Variants in GPRC5A observed in about 807,000 individuals in gnomAD.
GPRC5A encodes retinoic acid-induced protein 3.
In GPRC5A, 19 loss-of-function variants were observed where a neutral mutation model predicts 22.5. That is an observed-to-expected ratio of 0.85 (90% CI 0.59 to 1.24). The LOEUF (loss-of-function observed/expected upper bound fraction) is 1.24. Ranked by LOEUF, GPRC5A falls within the 50% of genes most tolerant of loss-of-function variation. The pLI is 0.00. For missense variants in GPRC5A, 471 were observed against 451.1 expected (o/e 1.04, Z -0.40); for synonymous variants, 192 against 184.5 (o/e 1.04, Z -0.33).
chr12:12,892,246 T>G (rs969606714), intron 1 of GPRC5A, among the ~76,000 whole-genome samples: 1 of 151,982 alleles, frequency 6.6e-6, no homozygotes, highest in African/African-American at 2.4e-5. Flanking sequence ...CTGGGACAGA[T>G]GAAAGTTGAA....
Position 12,916,533 on chromosome 12 carries a change from T to C in GPRC5A, c.*3994T>C, listed in dbSNP as rs1470068004. 5.3e-5 allele frequency: 8 copies of C among 152,230 alleles called. No homozygotes were observed. The highest frequency in any genetic ancestry group is 1.9e-4 in the African/African-American group (8 of 41,454). 9.4% of individuals were successfully genotyped at this position (152,230 alleles called of 1,614,324 possible). ...AGACACCCAGTAGGCGCGAGGCAAA[T>C]GCGTCCCATTTTAAGAGGCTTGTAT... On this transcript the variant is annotated 3_prime_UTR_variant, in exon 4 of 4. Transcript: ENST00000014914.
chr12:12,897,793 G>C (rs1362868474), intron 1 of GPRC5A, among the ~76,000 whole-genome samples: 1 of 151,934 alleles, frequency 6.6e-6, no homozygotes, highest in Non-Finnish European at 1.5e-5. Flanking sequence ...ATTTGTAGTA[G>C]AGATGGAGTT....
At chr12:12,906,017 G>C (rs1275295685) in intron 1 of GPRC5A, among the ~76,000 whole-genome samples, 1 of 152,064 alleles carries the variant, frequency 6.6e-6, no homozygotes, top group Non-Finnish European at 1.5e-5. Context: ...ACGTAGAGAG[G>C]AGGAGAGAGA....
intron 1 of GPRC5A, among the ~76,000 whole-genome samples, chr12:12,903,305 C>A (rs1555104904): frequency 6.6e-6 from 1 of 151,990 alleles, no homozygotes; most frequent in Non-Finnish European, 1.5e-5. Flanking sequence ...AAAATAGACA[C>A]GGTCTTATTC....
chr12:12,904,367 T>C (rs572456325), intron 1 of GPRC5A, among the ~76,000 whole-genome samples: 33 of 152,342 alleles, frequency 2.2e-4, no homozygotes, highest in African/African-American at 7.9e-4. Context: ...TGTAGAGGTA[T>C]AGCCCATTCT....
At chr12:12,899,835 A>G (rs1240822955) in intron 1 of GPRC5A, among the ~76,000 whole-genome samples, 1 of 152,258 alleles carries the variant, frequency 6.6e-6, no homozygotes, top group African/African-American at 2.4e-5. Flanking sequence ...ACATTTTGAC[A>G]GAATGAGAGA....
intron 1 of GPRC5A, among the ~76,000 whole-genome samples, chr12:12,905,288 T>A (rs1246122252): frequency 1.3e-5 from 2 of 152,174 alleles, no homozygotes; most frequent in African/African-American, 4.8e-5. Flanking sequence ...CTTCCTCTTG[T>A]TTTGGATTTC....
rs143086058 is a variant in GPRC5A at position 12,915,624 on chromosome 12, T to TCTCCTCCTCCTC, written c.*3093_*3104dup. The TCTCCTCCTCCTC allele has an allele frequency of 5.4e-6, 1 of 185,482 alleles. No individual in the cohort carries two copies. The highest frequency in any genetic ancestry group is 2.4e-5 in the African/African-American group (1 of 42,056). The allele number at this position is 185,482 out of a possible 1,614,324, so 11.5% of individuals were successfully genotyped here. A position where few individuals can be genotyped will look rare whatever the true frequency, so the allele number is the denominator to read the frequency against. ...GTTTCTCCTTCTTCCTTCTCCTCCTTCTCCTCCTCCTCCTCCTCCACCATG... is the reference window on the plus strand; with the variant it reads ...GTTTCTCCTTCTTCCTTCTCCTCCTTCTCCTCCTCCTCCTCCTCCTCCTCCTCCTCCACCATG... On this transcript the variant is annotated 3_prime_UTR_variant, in exon 4 of 4. Transcript: ENST00000014914.
At position 12,912,552 on chromosome 12, in the gene GPRC5A, G is replaced by A; in HGVS notation, c.*13G>A. ...AGAGGGCAGCTAACTCTGTCCTGAA[G>A]AGTGGGACAAATGCAGCCGGGCGGC... On this transcript the variant is annotated 3_prime_UTR_variant, in exon 4 of 4. Coordinates refer to ENST00000014914, the MANE Select transcript of GPRC5A (RefSeq NM_003979.4). 6.7e-7 allele frequency: 1 copy of A among 1,499,856 alleles called. No individual in the cohort carries two copies. Among genetic ancestry groups the A allele is most frequent in the Non-Finnish European group, 9.3e-7 (1 of 1,075,798 alleles). The allele number at this position is 1,499,856 out of a possible 1,614,324, so 92.9% of individuals were successfully genotyped here. A position where few individuals can be genotyped will look rare whatever the true frequency, so the allele number is the denominator to read the frequency against.
chr12:12,907,787 A>T (rs1275553878), intron 1 of GPRC5A, among the ~76,000 whole-genome samples: 1 of 152,160 alleles, frequency 6.6e-6, no homozygotes, highest in Non-Finnish European at 1.5e-5. Context: ...GCGTGCCACC[A>T]TGCCCAGCTA....
Position 12,917,674 on chromosome 12 carries a change from A to G in GPRC5A, c.*5135A>G, listed in dbSNP as rs925625014. ...CCATGGGAAAGGGATGAGGGAGGAC[A>G]GCTTCTGGTTAAACACAGGTCCCTC... is the stretch of plus-strand genomic sequence containing the variant. On this transcript the variant is annotated 3_prime_UTR_variant, in exon 4 of 4. Coordinates refer to ENST00000014914, the MANE Select transcript of GPRC5A (RefSeq NM_003979.4). 6.6e-6 allele frequency: 1 copy of G among 152,186 alleles called. No individual in the cohort carries two copies. The highest frequency in any genetic ancestry group is 6.5e-5 in the Admixed American group (1 of 15,274). The allele number at this position is 152,186 out of a possible 1,614,324, so 9.4% of individuals were successfully genotyped here. A position where few individuals can be genotyped will look rare whatever the true frequency, so the allele number is the denominator to read the frequency against.
At chr12:12,896,640 C>G (rs116420324) in intron 1 of GPRC5A, among the ~76,000 whole-genome samples, 3,244 of 152,272 alleles carry the variant, frequency 0.021, 127 homozygotes, top group African/African-American at 0.074. Flanking sequence ...AGCACTCAGT[C>G]TTAGTCCAAA....
In GPRC5A at chr12:12,915,856, C is replaced by A; in HGVS notation, c.*3317C>A. ...TAAGAAACGCAGTGGTCTCTGAAGC[C>A]TGCAGGGGCAGGCCAGCCCTGCACT... On this transcript the variant is annotated 3_prime_UTR_variant, in exon 4 of 4. Transcript: ENST00000014914. The A allele has an allele frequency of 1.9e-6, 1 of 526,332 alleles. No homozygotes were observed. The highest frequency in any genetic ancestry group is 3.9e-6 in the Non-Finnish European group (1 of 255,180). The allele number at this position is 526,332 out of a possible 1,614,324, so 32.6% of individuals were successfully genotyped here.
At chr12:12,892,288 C>A (rs1379605280) in intron 1 of GPRC5A, among the ~76,000 whole-genome samples, 2 of 152,166 alleles carry the variant, frequency 1.3e-5, no homozygotes, top group African/African-American at 2.4e-5. Context: ...CCACTACCGA[C>A]TTTATGGATA....
At chr12:12,898,964 C>T (rs1863852322) in intron 1 of GPRC5A, among the ~76,000 whole-genome samples, 1 of 152,144 alleles carries the variant, frequency 6.6e-6, no homozygotes. Flanking sequence ...TCCATAACTT[C>T]TTAGTTGTAT....
intron 3 of GPRC5A, 63 bp from the exon 4 acceptor site, chr12:12,912,384 T>A (rs1864014187): frequency 1.8e-6 from 2 of 1,088,068 alleles, no homozygotes; most frequent in Non-Finnish European, 2.9e-6. Flanking sequence ...CTGCCCAGAC[T>A]GGAGACCTGT....
rs1408317296 is a variant in GPRC5A, at chr12:12,912,458, C to G, written c.993C>G (p.Pro331=). ...STHFQLQNQP[P]QKEFSIPRAH... is the part of the protein sequence containing the mutation. The stretch of plus-strand genomic sequence containing the variant: ...TGTTTCCTTTTCAGAACCAGCCTCC[C>G]CAAAAGGAATTCTCCATCCCACGGG... The change falls in exon 4 of 4, where the codon CCC becomes CCG. Residue 331 remains proline (P), a synonymous_variant. Transcript: ENST00000014914. 1 of 1,609,910 alleles carries G rather than the reference C, an allele frequency of 6.2e-7. No homozygotes were observed. Among genetic ancestry groups the G allele is most frequent in the Admixed American group, 1.7e-5 (1 of 59,996 alleles).
At position 12,908,508 on chromosome 12, in the gene GPRC5A, A is replaced by G. The variant is rs771674522; in HGVS notation, c.259A>G (p.Ile87Val). ...CTTTGGCCTCACCTTCGCCTTCATC[A>G]TCGGACTGGACGGGAGCACAGGGCC... ...GIFGLTFAFI[I>V]GLDGSTGPTR... is the part of the protein sequence containing the mutation. The change falls in exon 2 of 4, where the codon ATC becomes GTC. Residue 87 changes from isoleucine (I) to valine (V), a missense_variant. Physicochemically the swap from Ile to Val is conservative, Grantham distance 29. Transcript: ENST00000014914. 6.2e-6 allele frequency: 10 copies of G among 1,614,124 alleles called. No individual in the cohort carries two copies. Among genetic ancestry groups the G allele is most frequent in the South Asian group, 2.2e-5 (2 of 91,072 alleles).
chr12:12,902,922 C>T (rs1224099226), intron 1 of GPRC5A, among the ~76,000 whole-genome samples: 1 of 152,106 alleles, frequency 6.6e-6, no homozygotes, highest in Non-Finnish European at 1.5e-5. Flanking sequence ...ACAAAATTAG[C>T]CGGGCATGGT....
Sources: allele counts gnomAD v4.1 joint callset (sites outside exome capture counted in the v4.1 genomes callset), GRCh38; gene constraint gnomAD v4.1.1; transcripts MANE v1.5; gene names NCBI Gene and HGNC (gene_info 2026-07-23, HGNC 2026-07-21).